Variants in ADAMTS19 observed in about 807,000 individuals in gnomAD.
The protein encoded by ADAMTS19 is A disintegrin and metalloproteinase with thrombospondin motifs 19.
A neutral mutation model predicts 153.3 loss-of-function variants in ADAMTS19; 93 were observed. The ratio of observed to expected loss-of-function variants is 0.61; its 90% CI spans 0.51 to 0.72. ADAMTS19 has a LOEUF of 0.72. Ranked by LOEUF, ADAMTS19 falls within the 30% of genes least tolerant of loss-of-function variation. The pLI, the probability that ADAMTS19 is intolerant of heterozygous loss-of-function variation, is 0.00. For missense variants in ADAMTS19, 1,482 were observed against 1,552.1 expected (o/e 0.95, Z 0.76); for synonymous variants, 600 against 556.6 (o/e 1.08, Z -1.10).
intron 7 of ADAMTS19, among the ~76,000 whole-genome samples, chr5:129,552,785 C>A (rs116340667): frequency 6.6e-6 from 1 of 151,952 alleles, no homozygotes; most frequent in South Asian, 2.1e-4. Context: ...GTTCCATTAA[C>A]CTAATTTTTC....
rs1221328516 is a variant in ADAMTS19, at chr5:129,460,301, C to A, written c.-91C>A. The A allele has an allele frequency of 2.7e-5, 29 of 1,060,170 alleles. No individual in the cohort carries two copies. Among genetic ancestry groups the A allele is most frequent in the Non-Finnish European group, 3.7e-5 (27 of 721,928 alleles). 65.7% of individuals were successfully genotyped at this position (1,060,170 alleles called of 1,614,324 possible). On this transcript the variant is annotated 5_prime_UTR_variant, in exon 1 of 23. Coordinates refer to ENST00000274487, the MANE Select transcript of ADAMTS19 (RefSeq NM_133638.6). ...GGCCTGGGCAAATTCGCCGCCCGGC[C>A]TCCTAGCGCTCCGGGGAGGCCGCTG... is the stretch of plus-strand genomic sequence containing the variant.
intron 21 of ADAMTS19, among the ~76,000 whole-genome samples, chr5:129,713,808 G>C (rs1459986356): frequency 7.2e-6 from 1 of 138,486 alleles, no homozygotes; most frequent in Non-Finnish European, 1.6e-5. Flanking sequence ...ACAGAGCCAT[G>C]GGCCCTGAGC....
intron 8 of ADAMTS19, among the ~76,000 whole-genome samples, chr5:129,618,455 T>A (rs1450860462): frequency 6.6e-6 from 1 of 152,032 alleles, no homozygotes; most frequent in African/African-American, 2.4e-5. Flanking sequence ...ATAGAATTAG[T>A]CTTAATTCAT....
intron 5 of ADAMTS19, 21 bp downstream of exon 5, chr5:129,527,852 T>G: frequency 6.8e-7 from 1 of 1,467,566 alleles, no homozygotes; most frequent in Non-Finnish European, 9.5e-7. Context: ...CTTGAGTTTT[T>G]TATTAAATTA....
At chr5:129,524,273 A>ACCC (rs1460285154) in intron 3 of ADAMTS19, among the ~76,000 whole-genome samples, 1 of 152,146 alleles carries the variant, frequency 6.6e-6, no homozygotes, top group African/African-American at 2.4e-5. Context: ...CAGAAACTGG[A>ACCC]CCCCTTCCTT....
chr5:129,660,501 A>G (rs962794145), intron 15 of ADAMTS19, among the ~76,000 whole-genome samples: 12 of 152,006 alleles, frequency 7.9e-5, no homozygotes, highest in African/African-American at 2.9e-4. Flanking sequence ...AGCTCACAGA[A>G]TACAGATGCA....
At chr5:129,680,168 G>A (rs1350609723) in intron 17 of ADAMTS19, among the ~76,000 whole-genome samples, 2 of 152,138 alleles carry the variant, frequency 1.3e-5, no homozygotes, top group African/African-American at 2.4e-5. Context: ...ATGGATGACA[G>A]GGAATCCAAA....
chr5:129,663,643 C>T (rs1248798464), intron 15 of ADAMTS19, among the ~76,000 whole-genome samples: 1 of 152,152 alleles, frequency 6.6e-6, no homozygotes, highest in East Asian at 1.9e-4. Context: ...CCTTAGCCTC[C>T]ACTACTCCTG....
rs575651759 is a variant in ADAMTS19 at position 129,550,627 on chromosome 5, C to A, written c.1329-1237C>A. Among the ~76,000 whole-genome samples the A allele has an allele frequency of 5.4e-4, 82 of 151,088 alleles. 1 individual carries two copies. The South Asian group carries it at 6.9e-3, about 13-fold the overall frequency. On this transcript the variant is annotated intron_variant, in intron 6 of 22. Transcript: ENST00000274487. ...TCACAAATGCTGCTGATGAGCCAAGCAAGATGTGAATTGAAAGCTAACCAT... is the reference window on the plus strand; with the variant it reads ...TCACAAATGCTGCTGATGAGCCAAGAAAGATGTGAATTGAAAGCTAACCAT...
At chr5:129,606,910 ATTT>A (rs1750924224) in intron 8 of ADAMTS19, among the ~76,000 whole-genome samples, 1 of 151,484 alleles carries the variant, frequency 6.6e-6, no homozygotes, top group Non-Finnish European at 1.5e-5. Flanking sequence ...CACTTTATTT[ATTT>A]ATTTATTTAT....
chr5:129,623,178 G>T (rs562864634), intron 10 of ADAMTS19, among the ~76,000 whole-genome samples: 5 of 152,136 alleles, frequency 3.3e-5, no homozygotes, highest in Non-Finnish European at 7.4e-5. Context: ...ATGTATAATG[G>T]TAAAGCAGTG....
At chr5:129,551,168 G>C (rs1226162879) in intron 6 of ADAMTS19, among the ~76,000 whole-genome samples, 1 of 151,526 alleles carries the variant, frequency 6.6e-6, no homozygotes, top group African/African-American at 2.4e-5. Flanking sequence ...GCTAGTAAGA[G>C]GTAGATTAAA....
chr5:129,512,437 A>G (rs1021797734), intron 3 of ADAMTS19, among the ~76,000 whole-genome samples: 1 of 152,126 alleles, frequency 6.6e-6, no homozygotes, highest in Non-Finnish European at 1.5e-5. Flanking sequence ...TTTGGATACA[A>G]CATGGTCTAA....
chr5:129,562,422 T>G (rs557817799), intron 7 of ADAMTS19, among the ~76,000 whole-genome samples: 3 of 152,210 alleles, frequency 2.0e-5, no homozygotes, highest in African/African-American at 7.2e-5. Flanking sequence ...GCCACTGTCT[T>G]GACTAGGCAA....
intron 4 of ADAMTS19, 63 bp from the exon 5 acceptor site, chr5:129,527,685 C>T: frequency 2.3e-6 from 2 of 877,018 alleles, no homozygotes; most frequent in Non-Finnish European, 3.5e-6. Context: ...ATGTATGGGC[C>T]TTGAGAAAAA....
intron 21 of ADAMTS19, among the ~76,000 whole-genome samples, chr5:129,719,510 T>C (rs565239327): frequency 2.6e-5 from 4 of 152,326 alleles, no homozygotes; most frequent in South Asian, 4.1e-4. Flanking sequence ...CTTTGGCATT[T>C]TACCATGGAT....
chr5:129,577,830 T>G (rs1257586420), intron 7 of ADAMTS19, among the ~76,000 whole-genome samples: 1 of 152,040 alleles, frequency 6.6e-6, no homozygotes, highest in Non-Finnish European at 1.5e-5. Context: ...TGTTTCCTTA[T>G]TTATTTTGAT....
chr5:129,695,644 A>C (rs1321371244), intron 19 of ADAMTS19, among the ~76,000 whole-genome samples: 1 of 152,214 alleles, frequency 6.6e-6, no homozygotes, highest in African/African-American at 2.4e-5. Flanking sequence ...GCTTTCACAT[A>C]AAAATTAAGG....
chr5:129,674,512 T>C (rs1050928187), intron 16 of ADAMTS19, among the ~76,000 whole-genome samples: 1 of 152,158 alleles, frequency 6.6e-6, no homozygotes, highest in Non-Finnish European at 1.5e-5. Context: ...AGTACACTTT[T>C]TACTATTCCA....
Sources: gnomAD v4.1 joint callset for allele counts (sites outside exome capture counted in the v4.1 genomes callset) on GRCh38, gnomAD v4.1.1 for gene constraint, MANE v1.5 for transcripts, NCBI Gene and HGNC (gene_info 2026-07-23, HGNC 2026-07-21) for gene names.